Variants in APBA1 observed in about 807,000 individuals in gnomAD.
The protein encoded by APBA1 is amyloid beta precursor protein binding family A member 1, also known as amyloid-beta A4 precursor protein-binding family A member 1.
APBA1 carries 55 observed loss-of-function variants against 86.6 expected under a neutral mutation model. That is an observed-to-expected ratio of 0.64 (90% CI 0.51 to 0.80). APBA1 has a LOEUF of 0.80. APBA1 is among the 30% of genes least tolerant of loss of function. The pLI is 0.00. For missense variants in APBA1, 1,090 were observed against 1,183.0 expected (o/e 0.92, Z 1.15); for synonymous variants, 511 against 493.9 (o/e 1.03, Z -0.46).
At chr9:69,519,469 A>G (rs1367004132) in intron 1 of APBA1, among the ~76,000 whole-genome samples, 1 of 152,240 alleles carries the variant, frequency 6.6e-6, no homozygotes, top group African/African-American at 2.4e-5. Flanking sequence ...ATCATACCCA[A>G]GTTGCCTTCA....
chr9:69,621,787 G>A (rs113953421), intron 1 of APBA1, among the ~76,000 whole-genome samples: 1 of 152,234 alleles, frequency 6.6e-6, no homozygotes. Context: ...AAATACAAGC[G>A]AGTCAGGCTC....
chr9:69,552,907 CTTTTT>C (rs34026305), intron 1 of APBA1, among the ~76,000 whole-genome samples: 1 of 135,544 alleles, frequency 7.4e-6, no homozygotes, highest in Non-Finnish European at 1.6e-5. Context: ...CTTTCTTGGG[CTTTTT>C]TTTTTTTTTT....
chr9:69,468,742 T>C (rs959206171), intron 4 of APBA1, among the ~76,000 whole-genome samples: 1 of 152,272 alleles, frequency 6.6e-6, no homozygotes, highest in Non-Finnish European at 1.5e-5. Context: ...CACCTGTTTC[T>C]AACCACAATT....
intron 1 of APBA1, among the ~76,000 whole-genome samples, chr9:69,562,033 T>A (rs139903036): frequency 1.3e-5 from 2 of 152,290 alleles, no homozygotes; most frequent in Non-Finnish European, 2.9e-5. Context: ...ACATTTTAAT[T>A]CATTTTTTCA....
chr9:69,647,131 A>G (rs984863812), intron 1 of APBA1, among the ~76,000 whole-genome samples: 34 of 152,364 alleles, frequency 2.2e-4, no homozygotes, highest in Non-Finnish European at 2.8e-4. Context: ...AACCTCGATT[A>G]TCTAATAAAA....
Position 69,594,048 on chromosome 9 carries a change from A to G in APBA1, c.-69-76769T>C, listed in dbSNP as rs562773853. Reference sequence around the variant, plus strand: ...TAGGTCTTCTTTATTTATGCTGGGAACAAGTCTTGGCTCTTTCCTCCTCTT... The same window carrying G: ...TAGGTCTTCTTTATTTATGCTGGGAGCAAGTCTTGGCTCTTTCCTCCTCTT... On this transcript the variant is annotated intron_variant, in intron 1 of 12. Transcript: ENST00000265381. 2.0e-5 allele frequency among the ~76,000 whole-genome samples: 3 copies of G among 152,230 alleles called. No homozygotes were observed. In the South Asian group the frequency reaches 6.2e-4, roughly 32 times the overall value.
In APBA1 at chr9:69,658,304, C is replaced by CTCTCTCTT. The variant is rs1362898788; in HGVS notation, c.-70+13848_-70+13849insAAGAGAGA. ...TCTTTCTCTCTCTCTTTCTCTCTCT[C>CTCTCTCTT]TCTTTCTTTCTTTCTTTCTTTCTTT... On this transcript the variant is annotated intron_variant, in intron 1 of 12. Coordinates refer to ENST00000265381, the MANE Select transcript of APBA1 (RefSeq NM_001163.4). Among the ~76,000 whole-genome samples, 10 of 80,034 alleles carry CTCTCTCTT rather than the reference C, an allele frequency of 1.2e-4. 1 individual carries two copies. The highest frequency in any genetic ancestry group is 5.2e-4 in the Admixed American group (4 of 7,622). 52.5% of individuals were successfully genotyped at this position (80,034 alleles called of 152,430 possible). A position where few individuals can be genotyped will look rare whatever the true frequency, so the allele number is the denominator to read the frequency against.
At chr9:69,487,000 G>A (rs923059903) in intron 2 of APBA1, among the ~76,000 whole-genome samples, 2 of 151,908 alleles carry the variant, frequency 1.3e-5, no homozygotes, top group East Asian at 1.9e-4. Context: ...TACCACTCTC[G>A]CCCCTTGGAG....
intron 1 of APBA1, among the ~76,000 whole-genome samples, chr9:69,613,521 T>G (rs970444318): frequency 6.6e-6 from 1 of 152,216 alleles, no homozygotes; most frequent in African/African-American, 2.4e-5. Flanking sequence ...TATACATCAT[T>G]GCCTTAAGCT....
intron 1 of APBA1, among the ~76,000 whole-genome samples, chr9:69,633,290 T>G (rs2134000241): frequency 6.6e-6 from 1 of 152,210 alleles, no homozygotes; most frequent in South Asian, 2.1e-4. Context: ...TTCATTAAAC[T>G]CTTCTAAATT....
intron 4 of APBA1, among the ~76,000 whole-genome samples, chr9:69,470,045 A>T (rs1167313168): frequency 1.3e-5 from 2 of 152,232 alleles, no homozygotes; most frequent in Non-Finnish European, 2.9e-5. Flanking sequence ...ATATGTTTAA[A>T]AGCAATCCAA....
At chr9:69,599,780 T>A (rs111796405) in intron 1 of APBA1, among the ~76,000 whole-genome samples, 2 of 152,172 alleles carry the variant, frequency 1.3e-5, no homozygotes, top group Admixed American at 6.5e-5. Context: ...AGGATTCCGA[T>A]GCAGACTAAA....
chr9:69,528,317 C>A (rs572007773), intron 1 of APBA1, among the ~76,000 whole-genome samples: 26 of 152,198 alleles, frequency 1.7e-4, no homozygotes, highest in Non-Finnish European at 2.8e-4. Flanking sequence ...GATCACAGCC[C>A]AGCCTTTGAT....
chr9:69,514,520 C>T (rs1450585892), intron 2 of APBA1, among the ~76,000 whole-genome samples: 2 of 149,836 alleles, frequency 1.3e-5, no homozygotes, highest in Non-Finnish European at 3.0e-5. Flanking sequence ...ACCTGGGAGG[C>T]GGAGGTTGCA....
chr9:69,599,201 T>A (rs868483748), intron 1 of APBA1, among the ~76,000 whole-genome samples: 1 of 152,352 alleles, frequency 6.6e-6, no homozygotes, highest in African/African-American at 2.4e-5. Context: ...AAATGGTAAA[T>A]TTTATATTAC....
At chr9:69,617,224 A>G (rs961281208) in intron 1 of APBA1, among the ~76,000 whole-genome samples, 1 of 152,138 alleles carries the variant, frequency 6.6e-6, no homozygotes, top group African/African-American at 2.4e-5. Context: ...GAATATGCAC[A>G]TAGCTTACTA....
chr9:69,430,356 G>C lies in APBA1; in HGVS notation c.*971C>G, dbSNP rs1004459361. The stretch of plus-strand genomic sequence containing the variant: ...TGCTTTAAGCCAAAGTGGTGCTGGA[G>C]GGGCTGGGCCTCAGCGCAGAGAGGG... On this transcript the variant is annotated 3_prime_UTR_variant, in exon 13 of 13. Coordinates refer to ENST00000265381, the MANE Select transcript of APBA1 (RefSeq NM_001163.4). The C allele has an allele frequency of 1.3e-5, 2 of 152,300 alleles. No homozygotes were observed. The highest frequency in any genetic ancestry group is 4.8e-5 in the African/African-American group (2 of 41,452). The allele number at this position is 152,300 out of a possible 1,614,324, so 9.4% of individuals were successfully genotyped here.
At position 69,616,923 on chromosome 9, in the gene APBA1, G is replaced by A. The variant is rs543134127; in HGVS notation, c.-70+55230C>T. Among the ~76,000 whole-genome samples, 71 of 152,298 alleles carry A rather than the reference G, an allele frequency of 4.7e-4. 2 individuals are homozygous for A. The South Asian group carries it at 0.015, about 31-fold the overall frequency. ...GTTTAAGACCCTGACAAGTGGAGCT[G>A]GGGAAGGCCATGAAGGGAGGGACAT... On this transcript the variant is annotated intron_variant, in intron 1 of 12. Coordinates refer to ENST00000265381, the MANE Select transcript of APBA1 (RefSeq NM_001163.4).
chr9:69,633,678 C>G (rs764761804), intron 1 of APBA1, among the ~76,000 whole-genome samples: 1 of 152,168 alleles, frequency 6.6e-6, no homozygotes, highest in Non-Finnish European at 1.5e-5. Flanking sequence ...ATATTTGCTA[C>G]CATGCCCTTG....
Sources: gnomAD v4.1 joint callset for allele counts (sites outside exome capture counted in the v4.1 genomes callset) on GRCh38, gnomAD v4.1.1 for gene constraint, MANE v1.5 for transcripts, NCBI Gene and HGNC (gene_info 2026-07-23, HGNC 2026-07-21) for gene names.